LRP1B: variants seen among roughly 807,000 people sequenced by gnomAD.
LRP1B encodes the protein LDL receptor related protein 1B.
LRP1B carries 217 observed loss-of-function variants against 556.6 expected under a neutral mutation model. That is an observed-to-expected ratio of 0.39 (90% CI 0.35 to 0.44). The LOEUF (loss-of-function observed/expected upper bound fraction) is 0.44, where lower values mean the gene tolerates loss of function less well. Among genes scored for constraint, LRP1B ranks in the 20% least tolerant of loss-of-function variants. The pLI, the probability that LRP1B is intolerant of heterozygous loss-of-function variation, is 1.00. For synonymous variants in LRP1B, 2,047 were observed against 1,865.8 expected, an observed-to-expected ratio of 1.10 and a Z score of -2.50; for missense variants, 5,053 against 5,620.8, an observed-to-expected ratio of 0.90 and a Z score of 3.23.
rs367824540 is a variant in LRP1B, at chr2:142,060,880, T to G, written c.82+69768A>C. On this transcript the variant is annotated intron_variant, in intron 1 of 90. Transcript: ENST00000389484. ...CAAGTTGGATGCTCTTTGAGAGATA[T>G]GAGGCATGAAAGCATAACCGTGTAT... Among the ~76,000 whole-genome samples the G allele has an allele frequency of 3.3e-5, 5 of 152,112 alleles. No individual in the cohort carries two copies. In the East Asian group the frequency reaches 5.8e-4, roughly 18 times the overall value.
At chr2:140,447,144 A>G (rs924585551) in intron 63 of LRP1B, among the ~76,000 whole-genome samples, 2 of 152,064 alleles carry the variant, frequency 1.3e-5, no homozygotes, top group Non-Finnish European at 2.9e-5. Context: ...TAGGCATTGT[A>G]AAAAAAGAAG....
intron 41 of LRP1B, among the ~76,000 whole-genome samples, chr2:140,662,858 G>A (rs1389394205): frequency 6.6e-6 from 1 of 152,048 alleles, no homozygotes; most frequent in African/African-American, 2.4e-5. Flanking sequence ...AATTGCCAAT[G>A]GTAATCATTT....
At chr2:140,333,211 G>A (rs987824728) in intron 79 of LRP1B, among the ~76,000 whole-genome samples, 3 of 151,916 alleles carry the variant, frequency 2.0e-5, no homozygotes, top group African/African-American at 7.2e-5. Context: ...CTTTAGTCAG[G>A]TCTCTCTTTC....
At chr2:140,436,479 C>T (rs1016377433) in intron 66 of LRP1B, among the ~76,000 whole-genome samples, 6 of 152,010 alleles carry the variant, frequency 3.9e-5, no homozygotes, top group Non-Finnish European at 7.4e-5. Context: ...ATAGTGATTC[C>T]ACAGAATGTC....
chr2:141,154,030 G>T (rs2105092311), intron 7 of LRP1B, among the ~76,000 whole-genome samples: 1 of 151,940 alleles, frequency 6.6e-6, no homozygotes, highest in Admixed American at 6.6e-5. Context: ...AGACAAGCTA[G>T]AATGGAAATG....
intron 1 of LRP1B, among the ~76,000 whole-genome samples, chr2:142,008,859 T>C (rs374227418): frequency 1.3e-5 from 2 of 151,998 alleles, no homozygotes; most frequent in South Asian, 2.1e-4. Context: ...TATTTATATA[T>C]GCTTTTTTGT....
intron 1 of LRP1B, among the ~76,000 whole-genome samples, chr2:141,951,897 T>C (rs1701116352): frequency 1.3e-5 from 2 of 152,022 alleles, no homozygotes; most frequent in Admixed American, 6.6e-5. Context: ...ACAACGTGCA[T>C]GTTTGTTACA....
intron 7 of LRP1B, among the ~76,000 whole-genome samples, chr2:141,115,443 TAG>T (rs1700863214): frequency 7.3e-6 from 1 of 137,176 alleles, no homozygotes; most frequent in Admixed American, 7.8e-5. Context: ...GCAAAATGAA[TAG>T]GTTTTTGTTT....
chr2:141,548,353 G>T (rs1294266887), intron 2 of LRP1B, among the ~76,000 whole-genome samples: 2 of 152,166 alleles, frequency 1.3e-5, no homozygotes, highest in Non-Finnish European at 2.9e-5. Context: ...AACTAAATAG[G>T]TAGATAAAAT....
intron 25 of LRP1B, among the ~76,000 whole-genome samples, chr2:140,881,759 C>T (rs571854368): frequency 2.6e-5 from 4 of 152,288 alleles, no homozygotes; most frequent in African/African-American, 9.6e-5. Flanking sequence ...TGACTTTCCC[C>T]TACTTTCAGG....
intron 1 of LRP1B, among the ~76,000 whole-genome samples, chr2:142,115,916 C>T (rs1409854841): frequency 1.5e-5 from 2 of 129,154 alleles, no homozygotes; most frequent in African/African-American, 5.8e-5. Flanking sequence ...AATTAATAAA[C>T]CTATAGTAGA....
At chr2:141,765,115 A>AAACAAACT (rs370480287) in intron 2 of LRP1B, among the ~76,000 whole-genome samples, 67,015 of 149,102 alleles carry the variant, frequency 0.45, 17,770 homozygotes, top group Admixed American at 0.56. Context: ...ACAAACAAAC[A>AAACAAACT]GGGAAAGAAT....
chr2:141,157,592 C>A (rs112775088), intron 7 of LRP1B, among the ~76,000 whole-genome samples: 6 of 152,012 alleles, frequency 3.9e-5, no homozygotes, highest in Admixed American at 6.6e-5. Context: ...TCCTACAGTT[C>A]GATTCATTCA....
intron 11 of LRP1B, among the ~76,000 whole-genome samples, chr2:141,040,397 T>C (rs912703051): frequency 5.9e-5 from 9 of 152,090 alleles, no homozygotes; most frequent in African/African-American, 2.2e-4. Flanking sequence ...TCAATCTTTA[T>C]GAGAAATCCT....
intron 1 of LRP1B, among the ~76,000 whole-genome samples, chr2:141,989,731 C>T (rs1379702139): frequency 2.0e-5 from 3 of 152,038 alleles, no homozygotes; most frequent in Non-Finnish European, 4.4e-5. Context: ...TCACTCAGCA[C>T]TTTCTCTCTT....
chr2:140,275,866 T>G (rs752602590), intron 84 of LRP1B, among the ~76,000 whole-genome samples: 1 of 151,946 alleles, frequency 6.6e-6, no homozygotes, highest in African/African-American at 2.4e-5. Flanking sequence ...CCCTTGAACA[T>G]GCATAATGAA....
At chr2:141,920,070 T>C (rs1340232804) in intron 1 of LRP1B, among the ~76,000 whole-genome samples, 1 of 151,958 alleles carries the variant, frequency 6.6e-6, no homozygotes, top group South Asian at 2.1e-4. Context: ...GTTCAAATTA[T>C]AGCTAATATC....
chr2:141,182,315 T>G (rs1438926559), intron 7 of LRP1B, among the ~76,000 whole-genome samples: 1 of 151,934 alleles, frequency 6.6e-6, no homozygotes, highest in Non-Finnish European at 1.5e-5. Context: ...TTGGTAGGTT[T>G]TAGAATAATT....
intron 77 of LRP1B, 76 bp from the exon 78 acceptor site, chr2:140,335,914 A>T: frequency 1.1e-6 from 1 of 869,972 alleles, no homozygotes; most frequent in Non-Finnish European, 1.9e-6. Context: ...TTTACATTGA[A>T]GTTATGGGGG....
Sources: gnomAD v4.1 joint callset for allele counts (sites outside exome capture counted in the v4.1 genomes callset) on GRCh38, gnomAD v4.1.1 for gene constraint, MANE v1.5 for transcripts, NCBI Gene and HGNC (gene_info 2026-07-23, HGNC 2026-07-21) for gene names.